RASA3: variants seen among roughly 807,000 people sequenced by gnomAD.
The protein encoded by RASA3 is ras GTPase-activating protein 3.
In RASA3, 73 loss-of-function variants were observed where a neutral mutation model predicts 110.0. That is an observed-to-expected ratio of 0.66 (90% CI 0.55 to 0.81). The LOEUF (loss-of-function observed/expected upper bound fraction) is 0.81. Ranked by LOEUF, RASA3 falls within the 30% of genes least tolerant of loss-of-function variation. The pLI, the probability that RASA3 is intolerant of heterozygous loss-of-function variation, is 0.00. For synonymous variants in RASA3, 500 were observed against 451.4 expected (o/e 1.11, Z -1.37); for missense variants, 976 against 1,113.2 (o/e 0.88, Z 1.75).
intron 13 of RASA3, among the ~76,000 whole-genome samples, chr13:114,015,571 C>T (rs979919658): frequency 2.2e-4 from 33 of 152,244 alleles, no homozygotes; most frequent in African/African-American, 6.8e-4. Flanking sequence ...GCCCCGACCT[C>T]GTTTACTGAG....
rs1305020711 is a variant in RASA3, at chr13:114,017,330, T to G, written c.1113A>C (p.Arg371=). 6.2e-7 allele frequency: 1 copy of G among 1,613,978 alleles called. No homozygotes were observed. The highest frequency in any genetic ancestry group is 1.7e-5 in the Admixed American group (1 of 60,030). ...KRTQDPNTIF[R]GNSLASKCID... Reference sequence around the variant, plus strand: ...TGCACTTGGACGCCAGTGAGTTTCCTCGGAAGATGGTGTTGGGGTCCCTGG... The same window carrying G: ...TGCACTTGGACGCCAGTGAGTTTCCGCGGAAGATGGTGTTGGGGTCCCTGG... Residue 371 remains arginine (R), a synonymous_variant, in exon 12 of 24, where the codon CGA becomes CGC. Coordinates refer to ENST00000334062, the MANE Select transcript of RASA3 (RefSeq NM_007368.4).
intron 2 of RASA3, among the ~76,000 whole-genome samples, chr13:114,070,368 G>A (rs1359867719): frequency 6.6e-6 from 1 of 152,082 alleles, no homozygotes; most frequent in Non-Finnish European, 1.5e-5. Flanking sequence ...GGTGGATGTC[G>A]ACCAATGACT....
At chr13:114,130,632 C>A (rs1395119293) in intron 1 of RASA3, among the ~76,000 whole-genome samples, 1 of 152,204 alleles carries the variant, frequency 6.6e-6, no homozygotes, top group Non-Finnish European at 1.5e-5. Context: ...AGACTCTGGT[C>A]TTCCCTCGCC....
At chr13:114,030,429 G>C (rs143145120) in intron 4 of RASA3, among the ~76,000 whole-genome samples, 87 of 68,920 alleles carry the variant, frequency 1.3e-3, no homozygotes, top group Non-Finnish European at 2.4e-3. Flanking sequence ...CTCACACAGA[G>C]GGCAAGGCTC....
At chr13:114,027,670 A>G (rs887709984) in intron 6 of RASA3, among the ~76,000 whole-genome samples, 177 bp downstream of exon 6, 1 of 152,218 alleles carries the variant, frequency 6.6e-6, no homozygotes, top group Non-Finnish European at 1.5e-5. Flanking sequence ...TGAAGGCTTC[A>G]TTTTCTACAA....
At chr13:113,980,227 G>A (rs1340639426) in intron 23 of RASA3, among the ~76,000 whole-genome samples, 1 of 67,880 alleles carries the variant, frequency 1.5e-5, no homozygotes, top group Non-Finnish European at 3.5e-5. Context: ...TGCACCTCCT[G>A]CTGTGTGCGC....
chr13:114,020,888 G>A (rs1331192521), intron 9 of RASA3, among the ~76,000 whole-genome samples: 3 of 152,230 alleles, frequency 2.0e-5, no homozygotes, highest in African/African-American at 7.2e-5. Context: ...CAGCCCTGCT[G>A]TGTGCGCATT....
intron 22 of RASA3, among the ~76,000 whole-genome samples, chr13:113,990,763 TGTG>T (rs949957130): frequency 2.0e-5 from 3 of 152,238 alleles, no homozygotes; most frequent in African/African-American, 7.2e-5. Context: ...GTGAGCGTGT[TGTG>T]TTCAACTGCA....
At chr13:114,028,065 A>G in intron 5 of RASA3, 138 bp from the exon 6 acceptor site, 1 of 680,254 alleles carries the variant, frequency 1.5e-6, no homozygotes, top group Admixed American at 2.8e-5. Flanking sequence ...GGAGGGCCAC[A>G]CCAGCCATTC....
intron 21 of RASA3, among the ~76,000 whole-genome samples, chr13:113,993,806 T>TAAAAAAAAAAAA (rs35450759): frequency 3.6e-4 from 31 of 85,570 alleles, no homozygotes; most frequent in African/African-American, 5.1e-4. Flanking sequence ...AGACTCTGCC[T>TAAAAAAAAAAAA]AAAAAAAAAA....
chr13:114,104,652 G>A (rs1295012846), intron 1 of RASA3, among the ~76,000 whole-genome samples: 5 of 152,176 alleles, frequency 3.3e-5, no homozygotes, highest in Admixed American at 3.3e-4. Flanking sequence ...AACCGCACAA[G>A]ATTTGGCGTC....
chr13:114,058,192 A>G (rs1171125330), intron 2 of RASA3, among the ~76,000 whole-genome samples: 2 of 152,142 alleles, frequency 1.3e-5, no homozygotes, highest in Non-Finnish European at 2.9e-5. Context: ...ACGGAGCACC[A>G]GAGTGACATC....
At chr13:114,107,412 G>C (rs1486354878) in intron 1 of RASA3, among the ~76,000 whole-genome samples, 1 of 152,190 alleles carries the variant, frequency 6.6e-6, no homozygotes, top group African/African-American at 2.4e-5. Flanking sequence ...ATTTTCCCAC[G>C]CTGGAGGTCT....
At chr13:114,042,099 T>C (rs1402001958) in intron 3 of RASA3, among the ~76,000 whole-genome samples, 2 of 152,258 alleles carry the variant, frequency 1.3e-5, no homozygotes, top group East Asian at 3.8e-4. Context: ...TATGTGTAAA[T>C]TCGCATCTGC....
chr13:114,103,958 C>G, intron 1 of RASA3, among the ~76,000 whole-genome samples: 1 of 91,294 alleles, frequency 1.1e-5, no homozygotes, highest in Non-Finnish European at 2.3e-5. Context: ...GGACACCCAC[C>G]CCCGATGCGT....
At chr13:114,110,061 A>G (rs1004004578) in intron 1 of RASA3, among the ~76,000 whole-genome samples, 1 of 152,268 alleles carries the variant, frequency 6.6e-6, no homozygotes, top group Non-Finnish European at 1.5e-5. Context: ...TCCCCATCAC[A>G]GAAACCTGAC....
At chr13:114,081,753 C>T (rs978699137) in intron 1 of RASA3, among the ~76,000 whole-genome samples, 14 of 152,068 alleles carry the variant, frequency 9.2e-5, no homozygotes, top group Admixed American at 3.9e-4. Context: ...CAGGGAATAA[C>T]GAGGAAAGAG....
intron 1 of RASA3, among the ~76,000 whole-genome samples, chr13:114,094,632 G>A (rs1261637260): frequency 6.6e-6 from 1 of 152,188 alleles, no homozygotes; most frequent in Non-Finnish European, 1.5e-5. Context: ...GTTTACCTAA[G>A]TATTGATAGA....
chr13:114,128,826 C>T (rs980233810), intron 1 of RASA3, among the ~76,000 whole-genome samples: 2 of 152,204 alleles, frequency 1.3e-5, no homozygotes, highest in East Asian at 1.9e-4. Context: ...ACGGCAGGCC[C>T]GGCCTCCCAC....
Sources: gnomAD v4.1 joint callset for allele counts (sites outside exome capture counted in the v4.1 genomes callset) on GRCh38, gnomAD v4.1.1 for gene constraint, MANE v1.5 for transcripts, NCBI Gene and HGNC (gene_info 2026-07-23, HGNC 2026-07-21) for gene names.